The following SPAST variants were observed in gnomAD, a reference collection of about 807,000 sequenced individuals.
The protein encoded by SPAST is spastic paraplegia 4 (autosomal dominant; spastin).
A neutral mutation model predicts 76.6 loss-of-function variants in SPAST; 30 were observed. The observed-to-expected ratio is 0.39, with a 90% CI of 0.29 to 0.53. The LOEUF is 0.53. Among genes scored for constraint, SPAST ranks in the 20% least tolerant of loss-of-function variants. SPAST has a pLI of 0.68. For missense variants in SPAST, 717 were observed against 770.5 expected (o/e 0.93, Z 0.82); for synonymous variants, 305 against 281.0 (o/e 1.09, Z -0.86).
chr2:32,063,809 G>A lies in SPAST; in HGVS notation c.-23G>A. ...CGGTCTGCGGGAGGCGGGTTATGGCGGCGGCGGCAGTGAGAGCTGTGAATG... is the reference window on the plus strand; with the variant it reads ...CGGTCTGCGGGAGGCGGGTTATGGCAGCGGCGGCAGTGAGAGCTGTGAATG... On this transcript the variant is annotated 5_prime_UTR_variant, in exon 1 of 17. Coordinates refer to ENST00000315285, the MANE Select transcript of SPAST (RefSeq NM_014946.4). The A allele has an allele frequency of 6.4e-7, 1 of 1,554,604 alleles. No homozygotes were observed. Among genetic ancestry groups the A allele is most frequent in the Non-Finnish European group, 8.6e-7 (1 of 1,158,782 alleles).
At chr2:32,075,164 T>G (rs1265428523) in intron 1 of SPAST, among the ~76,000 whole-genome samples, 1 of 152,050 alleles carries the variant, frequency 6.6e-6, no homozygotes, top group Non-Finnish European at 1.5e-5. Flanking sequence ...GGCTCACGCT[T>G]GTAATCCCAG....
chr2:32,071,392 A>G (rs922764780), intron 1 of SPAST, among the ~76,000 whole-genome samples: 1 of 152,190 alleles, frequency 6.6e-6, no homozygotes, highest in Non-Finnish European at 1.5e-5. Flanking sequence ...TTTTCTGTTC[A>G]TAGTTTTAAG....
At chr2:32,096,163 G>A (rs941309403) in intron 3 of SPAST, among the ~76,000 whole-genome samples, 7 of 152,180 alleles carry the variant, frequency 4.6e-5, no homozygotes, top group African/African-American at 1.7e-4. Context: ...GTCTGGGCGC[G>A]GTGGCTCACG....
At chr2:32,070,514 G>A (rs1276660491) in intron 1 of SPAST, among the ~76,000 whole-genome samples, 1 of 152,152 alleles carries the variant, frequency 6.6e-6, no homozygotes, top group Middle Eastern at 3.2e-3. Flanking sequence ...TTAATTGGAG[G>A]CCAGTTAATT....
At chr2:32,100,482 T>G (rs914399478) in intron 4 of SPAST, among the ~76,000 whole-genome samples, 2 of 152,112 alleles carry the variant, frequency 1.3e-5, no homozygotes, top group African/African-American at 2.4e-5. Flanking sequence ...TAATTACACT[T>G]TACGTTCTAG....
At chr2:32,142,474 GC>G (rs1251469593) in intron 13 of SPAST, among the ~76,000 whole-genome samples, 3 of 152,104 alleles carry the variant, frequency 2.0e-5, no homozygotes, top group Non-Finnish European at 4.4e-5. Flanking sequence ...GAGTGCAGTG[GC>G]GTGATCTCGG....
chr2:32,087,693 T>A, intron 2 of SPAST, 115 bp downstream of exon 2: 1 of 317,358 alleles, frequency 3.2e-6, no homozygotes, highest in Non-Finnish European at 5.2e-6. Flanking sequence ...TCTTTTCTTT[T>A]CTTTTTTTTT....
intron 4 of SPAST, among the ~76,000 whole-genome samples, chr2:32,114,319 A>G (rs1403555001): frequency 6.6e-6 from 1 of 151,980 alleles, no homozygotes; most frequent in Non-Finnish European, 1.5e-5. Context: ...TTGAGGTGGG[A>G]GGATGGATCA....
chr2:32,149,439 A>C (rs1428986992), intron 16 of SPAST, among the ~76,000 whole-genome samples: 1 of 152,020 alleles, frequency 6.6e-6, no homozygotes, highest in African/African-American at 2.4e-5. Flanking sequence ...TCCTTATGAG[A>C]TGCTGAAGCA....
chr2:32,096,051 G>A (rs1186376003), intron 3 of SPAST, among the ~76,000 whole-genome samples: 1 of 152,228 alleles, frequency 6.6e-6, no homozygotes, highest in African/African-American at 2.4e-5. Context: ...ATGTGAGGAG[G>A]TAAAGCAGCA....
chr2:32,073,403 G>C (rs1676828514), intron 1 of SPAST, among the ~76,000 whole-genome samples: 1 of 152,170 alleles, frequency 6.6e-6, no homozygotes, highest in Non-Finnish European at 1.5e-5. Context: ...TACTCTCTCT[G>C]TTCCACCCAG....
intron 7 of SPAST, chr2:32,126,632 G>C (rs1679202943): frequency 9.3e-6 from 2 of 216,138 alleles, no homozygotes; most frequent in Non-Finnish European, 1.8e-5. Context: ...AGGTGATCCA[G>C]CACACCCAGC....
intron 1 of SPAST, among the ~76,000 whole-genome samples, chr2:32,087,213 T>G (rs1677517383): frequency 6.6e-6 from 1 of 152,204 alleles, no homozygotes; most frequent in Non-Finnish European, 1.5e-5. Flanking sequence ...TAAAATGTCT[T>G]TCTGTAATAC....
At chr2:32,149,682 A>AT (rs1197885571) in intron 16 of SPAST, among the ~76,000 whole-genome samples, 3 of 152,344 alleles carry the variant, frequency 2.0e-5, no homozygotes, top group African/African-American at 7.2e-5. Context: ...ACAATATAGT[A>AT]TAAAAACTAT....
At chr2:32,127,245 G>T (rs1292628722) in intron 8 of SPAST, 1 of 523,316 alleles carries the variant, frequency 1.9e-6, no homozygotes, top group African/African-American at 1.9e-5. Context: ...AGCCTCCCAA[G>T]TAGCTGGGAT....
Position 32,064,426 on chromosome 2 carries a change from C to T in SPAST, c.415+180C>T, listed in dbSNP as rs572245152. Among the ~76,000 whole-genome samples, 4 of 152,256 alleles carry T rather than the reference C, an allele frequency of 2.6e-5. 1 individual carries two copies. The highest frequency in any genetic ancestry group is 7.2e-5 in the African/African-American group (3 of 41,544). ...CCTCATCTTCTAGTATTCTTAAAAC[C>T]TCTCCCCTTTCAGGGCACTGTAGCT... On this transcript the variant is annotated intron_variant, in intron 1 of 16. Transcript: ENST00000315285.
chr2:32,122,742 C>A (rs551660064), intron 7 of SPAST, among the ~76,000 whole-genome samples: 9 of 151,552 alleles, frequency 5.9e-5, no homozygotes, highest in Admixed American at 3.3e-4. Context: ...GAGTTCGACA[C>A]CAGCCTGGGC....
At chr2:32,106,861 G>C (rs1213778076) in intron 4 of SPAST, among the ~76,000 whole-genome samples, 1 of 151,384 alleles carries the variant, frequency 6.6e-6, no homozygotes, top group Non-Finnish European at 1.5e-5. Context: ...TGGCTGTGAA[G>C]GGCTGACATT....
intron 7 of SPAST, among the ~76,000 whole-genome samples, chr2:32,119,892 G>C (rs753265991): frequency 6.6e-6 from 1 of 151,852 alleles, no homozygotes; most frequent in Non-Finnish European, 1.5e-5. Flanking sequence ...CTATCATTTC[G>C]AGCTTTTATA....
Sources: allele counts gnomAD v4.1 joint callset (sites outside exome capture counted in the v4.1 genomes callset), GRCh38; gene constraint gnomAD v4.1.1; transcripts MANE v1.5; gene names NCBI Gene and HGNC (gene_info 2026-07-23, HGNC 2026-07-21).